GRB10: variants seen among roughly 807,000 people sequenced by gnomAD.
GRB10 encodes growth factor receptor bound protein 10.
In GRB10, 20 loss-of-function variants were observed where a neutral mutation model predicts 80.9. The ratio of observed to expected loss-of-function variants is 0.25; its 90% CI spans 0.17 to 0.36. The LOEUF (loss-of-function observed/expected upper bound fraction) is 0.36, where lower values mean the gene tolerates loss of function less well. GRB10 is among the 10% of genes least tolerant of loss of function. The pLI is 1.00. For missense variants in GRB10, 548 were observed against 747.7 expected, an observed-to-expected ratio of 0.73 and a Z score of 3.12; for synonymous variants, 291 against 291.5, an observed-to-expected ratio of 1.00 and a Z score of 0.02.
chr7:50,653,215 C>T (rs781581609), intron 7 of GRB10, among the ~76,000 whole-genome samples: 1 of 152,130 alleles, frequency 6.6e-6, no homozygotes, highest in Non-Finnish European at 1.5e-5. Flanking sequence ...AGCCCTAGGC[C>T]GTGGGCCCCA....
intron 17 of GRB10, among the ~76,000 whole-genome samples, chr7:50,601,263 CA>C (rs2047549402): frequency 6.6e-6 from 1 of 152,186 alleles, no homozygotes; most frequent in African/African-American, 2.4e-5. Context: ...GGTTGGGAGG[CA>C]GAGTTGAGAG....
intron 5 of GRB10, among the ~76,000 whole-genome samples, chr7:50,690,633 C>T (rs769144303): frequency 2.0e-5 from 3 of 152,134 alleles, no homozygotes; most frequent in Non-Finnish European, 2.9e-5. Flanking sequence ...GGCCTCCTAT[C>T]GCCTACACGA....
intron 7 of GRB10, among the ~76,000 whole-genome samples, chr7:50,661,705 T>G (rs542722896): frequency 6.6e-6 from 1 of 152,330 alleles, no homozygotes; most frequent in African/African-American, 2.4e-5. Context: ...GTTCTTGGCA[T>G]CACACACCAC....
chr7:50,683,775 G>GT (rs1457846042), intron 5 of GRB10, among the ~76,000 whole-genome samples: 16 of 152,076 alleles, frequency 1.1e-4, no homozygotes, highest in Admixed American at 5.9e-4. Flanking sequence ...AAAAATAATG[G>GT]TAAGGGTGGT....
In GRB10 at chr7:50,660,235, C is replaced by T. The variant is rs1314641397; in HGVS notation, c.504+9487G>A. Among the ~76,000 whole-genome samples, 8 of 152,008 alleles carry T rather than the reference C, an allele frequency of 5.3e-5. No homozygotes were observed. The East Asian group carries it at 5.8e-4, about 11-fold the overall frequency. On this transcript the variant is annotated intron_variant, in intron 7 of 18. Coordinates refer to ENST00000401949, the MANE Select transcript of GRB10 (RefSeq NM_001350814.2). Reference sequence around the variant, plus strand: ...GTCCACAGGGGAAGTGGCAGGGAGGCGCAACTGCGGTGCCGCATTCAAATG... The same window carrying T: ...GTCCACAGGGGAAGTGGCAGGGAGGTGCAACTGCGGTGCCGCATTCAAATG...
chr7:50,605,221 G>A (rs994160057), intron 15 of GRB10, 69 bp downstream of exon 15: 2 of 1,220,814 alleles, frequency 1.6e-6, no homozygotes, highest in African/African-American at 1.5e-5. Flanking sequence ...GTTCCTCTGG[G>A]AGAAGACCAC....
At chr7:50,723,973 G>A (rs1028446609) in intron 4 of GRB10, among the ~76,000 whole-genome samples, 1 of 152,246 alleles carries the variant, frequency 6.6e-6, no homozygotes, top group African/African-American at 2.4e-5. Flanking sequence ...AGGACGGTTA[G>A]CAAAAGCACA....
At chr7:50,743,074 A>C in intron 3 of GRB10, among the ~76,000 whole-genome samples, 1 of 152,250 alleles carries the variant, frequency 6.6e-6, no homozygotes, top group East Asian at 1.9e-4. Flanking sequence ...ATGCAAATAC[A>C]AAGAATGCCT....
intron 5 of GRB10, among the ~76,000 whole-genome samples, chr7:50,694,398 G>A (rs183745017): frequency 1.3e-5 from 2 of 152,336 alleles, no homozygotes; most frequent in Non-Finnish European, 2.9e-5. Flanking sequence ...TACAAGAGTA[G>A]GGGGCTAGGG....
intron 3 of GRB10, among the ~76,000 whole-genome samples, chr7:50,732,722 A>G (rs1278470443): frequency 1.3e-5 from 2 of 152,282 alleles, no homozygotes; most frequent in East Asian, 1.9e-4. Context: ...AAACTTCATC[A>G]AGCTTTCGCA....
chr7:50,777,429 T>TATACACACACACAC (rs1554316306), intron 2 of GRB10, among the ~76,000 whole-genome samples: 29 of 146,270 alleles, frequency 2.0e-4, no homozygotes, highest in African/African-American at 6.1e-4. Context: ...GCAATCTGTA[T>TATACACACACACAC]ACACACACAC....
rs538303514 is a variant in GRB10, at chr7:50,699,852, G to A, written c.139+3969C>T. ...AGCATGTTTAAAAAGAGAAATTGTT[G>A]GGGCCAGGCGCGGTGGCTCATGCCT... On this transcript the variant is annotated intron_variant, in intron 5 of 18. Coordinates refer to ENST00000401949, the MANE Select transcript of GRB10 (RefSeq NM_001350814.2). 1.2e-4 allele frequency among the ~76,000 whole-genome samples: 19 copies of A among 152,172 alleles called. No homozygotes were observed. The East Asian group carries it at 3.1e-3, about 25-fold the overall frequency.
At chr7:50,760,816 A>T (rs1413433151) in intron 2 of GRB10, among the ~76,000 whole-genome samples, 1 of 152,228 alleles carries the variant, frequency 6.6e-6, no homozygotes, top group East Asian at 1.9e-4. Context: ...CCCTGGGACT[A>T]GAATCCCAGG....
intron 7 of GRB10, among the ~76,000 whole-genome samples, chr7:50,632,715 AG>A (rs1208871392): frequency 5.9e-5 from 9 of 152,152 alleles, no homozygotes. Context: ...GGAGAACCAC[AG>A]GGTTGGGGGA....
At chr7:50,745,463 A>G (rs1180557098) in intron 3 of GRB10, among the ~76,000 whole-genome samples, 2 of 152,206 alleles carry the variant, frequency 1.3e-5, no homozygotes, top group Non-Finnish European at 2.9e-5. Context: ...ACACCAAATC[A>G]ATTAAGACAA....
intron 3 of GRB10, among the ~76,000 whole-genome samples, chr7:50,745,474 A>C (rs2072728929): frequency 6.6e-6 from 1 of 152,234 alleles, no homozygotes; most frequent in Admixed American, 6.5e-5. Context: ...ATTAAGACAA[A>C]GAGGGGAACA....
upstream of GRB10, among the ~76,000 whole-genome samples, chr7:50,784,784 A>C (rs1036965057): frequency 2.0e-5 from 3 of 152,274 alleles, no homozygotes; most frequent in Non-Finnish European, 4.4e-5. Context: ...ATGAAGGCTA[A>C]GCTGGAAAGT....
intron 1 of GRB10, chr7:50,792,611 T>C (rs1166205395): frequency 2.5e-6 from 1 of 397,406 alleles, no homozygotes; most frequent in Non-Finnish European, 4.4e-6. Flanking sequence ...AACTTGGTGT[T>C]AGGCCCCAGC....
chr7:50,639,694 A>T (rs1425293560), intron 7 of GRB10, among the ~76,000 whole-genome samples: 1 of 151,556 alleles, frequency 6.6e-6, no homozygotes, highest in African/African-American at 2.4e-5. Context: ...AAAAAAGTCA[A>T]CCATGGTTTT....
Sources: allele counts gnomAD v4.1 joint callset (sites outside exome capture counted in the v4.1 genomes callset), GRCh38; gene constraint gnomAD v4.1.1; transcripts MANE v1.5; gene names NCBI Gene and HGNC (gene_info 2026-07-23, HGNC 2026-07-21).